The following CYSLTR1 variants were observed in gnomAD, a reference collection of about 807,000 sequenced individuals.
CYSLTR1 encodes G-protein coupled receptor HG55.
Under a neutral mutation model 2.1 loss-of-function variants are expected in CYSLTR1, and 1 was observed. The ratio of observed to expected loss-of-function variants is 0.48; its 90% CI spans 0.17 to 2.28. CYSLTR1 has a LOEUF of 2.28. Among genes scored for constraint, CYSLTR1 ranks in the 30% most tolerant of loss-of-function variants. CYSLTR1 has a pLI of 0.26. For synonymous variants in CYSLTR1, 110 were observed against 89.6 expected (o/e 1.23, Z -1.28); for missense variants, 299 against 250.1 (o/e 1.20, Z -1.32).
chrX:78,274,648 C>G (rs964913715), intron 2 of CYSLTR1, among the ~76,000 whole-genome samples: 6 of 110,592 alleles, frequency 5.4e-5, no homozygotes, highest in South Asian at 3.8e-4. Context: ...CTAGGCATTA[C>G]CATTCAGGAC....
intron 1 of CYSLTR1, among the ~76,000 whole-genome samples, chrX:78,298,852 G>A (rs1922690533): frequency 1.8e-5 from 2 of 111,340 alleles, no homozygotes; most frequent in African/African-American, 6.5e-5. Context: ...TTGGATTGGA[G>A]AGTTTAGTTC....
At chrX:78,291,497 C>A (rs184642662) in intron 1 of CYSLTR1, among the ~76,000 whole-genome samples, 1,777 of 110,824 alleles carry the variant, frequency 0.016, 19 homozygotes, top group Non-Finnish European at 0.027. Flanking sequence ...AGGGAGGATT[C>A]CCTCTTTTTC....
intron 1 of CYSLTR1, among the ~76,000 whole-genome samples, chrX:78,286,792 G>A (rs1053706063): frequency 1.8e-5 from 2 of 110,176 alleles, no homozygotes; most frequent in African/African-American, 6.6e-5. Flanking sequence ...AGTAATGTGG[G>A]TATACTACTT....
chrX:78,280,273 T>A (rs137969419), intron 2 of CYSLTR1, among the ~76,000 whole-genome samples: 1 of 111,782 alleles, frequency 8.9e-6, no homozygotes, highest in African/African-American at 3.2e-5. Flanking sequence ...AAAGTTAATC[T>A]TTTTCTTAGT....
At chrX:78,300,414 G>T (rs1302498050) in intron 1 of CYSLTR1, among the ~76,000 whole-genome samples, 1 of 112,681 alleles carries the variant, frequency 8.9e-6, no homozygotes, top group African/African-American at 3.2e-5. Context: ...TTTGCAGTTT[G>T]GGCTTGTTTT....
chrX:78,324,811 C>G lies in CYSLTR1; in HGVS notation c.-115+2494G>C, dbSNP rs1375134273. Among the ~76,000 whole-genome samples, 3 of 111,856 alleles carry G rather than the reference C, an allele frequency of 2.7e-5. No homozygotes were observed. In the East Asian group the frequency reaches 8.3e-4, roughly 31 times the overall value. On this transcript the variant is annotated intron_variant, in intron 1 of 2. Transcript: ENST00000373304. ...AAGCTTTTCTCACTGACCCTTAAAT[C>G]ATACCACATAGATGTTCATGTGGCC...
intron 1 of CYSLTR1, among the ~76,000 whole-genome samples, chrX:78,301,740 C>A (rs1321155195): frequency 3.6e-5 from 4 of 112,026 alleles, no homozygotes; most frequent in Non-Finnish European, 7.5e-5. Context: ...GCTTCCACAT[C>A]TTTGGGTATC....
intron 1 of CYSLTR1, among the ~76,000 whole-genome samples, chrX:78,307,362 T>C (rs1923065589): frequency 8.9e-6 from 1 of 111,939 alleles, no homozygotes; most frequent in Non-Finnish European, 1.9e-5. Flanking sequence ...TCTCATCTCC[T>C]AAAGGCTACC....
chrX:78,281,134 A>G (rs1479200147), intron 2 of CYSLTR1, among the ~76,000 whole-genome samples: 1 of 111,297 alleles, frequency 9.0e-6, no homozygotes, highest in African/African-American at 3.3e-5. Flanking sequence ...TGATAGTTCT[A>G]TTTTTAGCTC....
At chrX:78,317,468 A>C (rs773145400) in intron 1 of CYSLTR1, among the ~76,000 whole-genome samples, 1 of 112,589 alleles carries the variant, frequency 8.9e-6, no homozygotes, top group African/African-American at 3.2e-5. Context: ...ATCCAGCAAT[A>C]CTACTATTGG....
At chrX:78,278,130 A>T (rs1921680721) in intron 2 of CYSLTR1, among the ~76,000 whole-genome samples, 1 of 112,388 alleles carries the variant, frequency 8.9e-6, no homozygotes, top group South Asian at 3.6e-4. Context: ...TTCATAGTAC[A>T]AATGGAAATA....
intron 1 of CYSLTR1, among the ~76,000 whole-genome samples, chrX:78,284,296 C>T (rs1274057823): frequency 8.9e-6 from 1 of 112,193 alleles, no homozygotes; most frequent in Non-Finnish European, 1.9e-5. Context: ...TTAATTCCTG[C>T]CTGCAAGGCC....
rs200608922 is a variant in CYSLTR1 at position 78,273,761 on chromosome X, G to A, written c.-15C>T. On this transcript the variant is annotated 5_prime_UTR_variant, in exon 3 of 3. Transcript: ENST00000373304. ...GTTTCATCCATGTTTCTCTACGAATGTCTGCTTTGTGCCTATAATAAATAA... is the reference window on the plus strand; with the variant it reads ...GTTTCATCCATGTTTCTCTACGAATATCTGCTTTGTGCCTATAATAAATAA... 12 of 1,179,765 alleles carry A rather than the reference G, an allele frequency of 1.0e-5. No homozygotes were observed. The highest frequency in any genetic ancestry group is 1.4e-5 in the Non-Finnish European group (12 of 878,434).
intron 1 of CYSLTR1, among the ~76,000 whole-genome samples, chrX:78,309,936 C>T (rs1215196684): frequency 8.9e-6 from 1 of 112,233 alleles, no homozygotes; most frequent in Non-Finnish European, 1.9e-5. Flanking sequence ...CAAATCATGA[C>T]AGTTAAATAT....
At chrX:78,303,129 G>A (rs965146360) in intron 1 of CYSLTR1, among the ~76,000 whole-genome samples, 1 of 111,776 alleles carries the variant, frequency 8.9e-6, no homozygotes, top group Non-Finnish European at 1.9e-5. Flanking sequence ...CCTCTGCCTA[G>A]GGCTGGTTTA....
chrX:78,276,721 T>C (rs934412218), intron 2 of CYSLTR1, among the ~76,000 whole-genome samples: 2 of 110,835 alleles, frequency 1.8e-5, no homozygotes, highest in East Asian at 5.6e-4. Context: ...TGGCCAATTA[T>C]ATGCAGTCAG....
chrX:78,326,137 G>T (rs1923854095), intron 1 of CYSLTR1, among the ~76,000 whole-genome samples: 1 of 111,711 alleles, frequency 9.0e-6, no homozygotes, highest in Non-Finnish European at 1.9e-5. Flanking sequence ...TTTTATCATG[G>T]ATGAATGTAA....
intron 1 of CYSLTR1, among the ~76,000 whole-genome samples, chrX:78,322,757 T>A (rs891249080): frequency 8.9e-6 from 1 of 111,934 alleles, no homozygotes; most frequent in Non-Finnish European, 1.9e-5. Flanking sequence ...TGTATTCTCA[T>A]TGGTATTAAA....
intron 2 of CYSLTR1, among the ~76,000 whole-genome samples, chrX:78,274,112 C>G (rs1921454670): frequency 9.0e-6 from 1 of 111,151 alleles, no homozygotes; most frequent in African/African-American, 3.3e-5. Flanking sequence ...ACTTGTTTTT[C>G]TATTAGAGAA....
Sources: gnomAD v4.1 joint callset for allele counts (sites outside exome capture counted in the v4.1 genomes callset) on GRCh38, gnomAD v4.1.1 for gene constraint, MANE v1.5 for transcripts, NCBI Gene and HGNC (gene_info 2026-07-23, HGNC 2026-07-21) for gene names.